The following POLH variants were observed in gnomAD, a reference collection of about 807,000 sequenced individuals.
The protein encoded by POLH is DNA polymerase eta.
Under a neutral mutation model 73.6 loss-of-function variants are expected in POLH, and 53 were observed. The observed-to-expected ratio is 0.72, with a 90% CI of 0.58 to 0.91. The LOEUF is 0.91. POLH is among the 40% of genes least tolerant of loss of function. The pLI is 0.00. For synonymous variants in POLH, 292 were observed against 308.5 expected (o/e 0.95, Z 0.56); for missense variants, 768 against 865.4 (o/e 0.89, Z 1.41).
At chr6:43,581,302 C>T (rs1561895894) in intron 1 of POLH, among the ~76,000 whole-genome samples, 1 of 147,670 alleles carries the variant, frequency 6.8e-6, no homozygotes, top group Non-Finnish European at 1.5e-5. Flanking sequence ...GATGGGCGGG[C>T]GGGCAGAGAC....
In POLH at chr6:43,614,393, C is replaced by G; in HGVS notation, c.1978C>G (p.Gln660Glu). The change falls in exon 11 of 11, where the codon CAG becomes GAG. Residue 660 changes from glutamine to glutamate, a missense_variant. Physicochemically the swap from Gln to Glu is conservative, Grantham distance 29 (BLOSUM62 2). Transcript: ENST00000372236. ...HMDYHFALEL[Q>E]KSFLQPHSSN... ...GGACTATCATTTTGCATTGGAGTTG[C>G]AGAAATCCTTTTTGCAGCCCCACTC... 2 of 1,614,186 alleles carry G rather than the reference C, an allele frequency of 1.2e-6. No homozygotes were observed. The highest frequency in any genetic ancestry group is 1.7e-6 in the Non-Finnish European group (2 of 1,180,034).
intron 3 of POLH, among the ~76,000 whole-genome samples, chr6:43,584,652 A>G (rs770040939): frequency 2.0e-5 from 3 of 152,152 alleles, no homozygotes; most frequent in African/African-American, 4.8e-5. Context: ...ATCAGATTCC[A>G]CATGTTGAGG....
intron 3 of POLH, among the ~76,000 whole-genome samples, chr6:43,584,488 A>G (rs1764597474): frequency 6.6e-6 from 1 of 152,192 alleles, no homozygotes; most frequent in Non-Finnish European, 1.5e-5. Flanking sequence ...GAAAAACTCA[A>G]ACTATGGTTT....
chr6:43,610,347 G>T (rs1004850637), intron 9 of POLH, among the ~76,000 whole-genome samples: 1 of 152,068 alleles, frequency 6.6e-6, no homozygotes, highest in East Asian at 1.9e-4. Flanking sequence ...TTACAGGCGT[G>T]AGCCACCATG....
intron 6 of POLH, among the ~76,000 whole-genome samples, chr6:43,602,519 T>C (rs908253962): frequency 6.6e-6 from 1 of 152,172 alleles, no homozygotes; most frequent in Non-Finnish European, 1.5e-5. Context: ...GAGAACTTTT[T>C]AGCACAAAGA....
At chr6:43,606,405 GT>G (rs1767298795) in intron 9 of POLH, among the ~76,000 whole-genome samples, 1 of 150,268 alleles carries the variant, frequency 6.7e-6, no homozygotes, top group Non-Finnish European at 1.5e-5. Flanking sequence ...TCTTTCTAAT[GT>G]TAAAGACATC....
At chr6:43,590,393 A>G (rs1765323722) in intron 4 of POLH, among the ~76,000 whole-genome samples, 1 of 151,448 alleles carries the variant, frequency 6.6e-6, no homozygotes, top group Admixed American at 6.6e-5. Context: ...TTTTGTGATA[A>G]TGTTAGATTA....
chr6:43,613,775 G>A lies in POLH; in HGVS notation c.1360G>A (p.Val454Met), dbSNP rs767303543. 4.5e-5 allele frequency: 73 copies of A among 1,613,824 alleles called. No homozygotes were observed. The highest frequency in any genetic ancestry group is 6.2e-5 in the Non-Finnish European group (73 of 1,179,944). The change falls in exon 11 of 11, where the codon GTG becomes ATG. Residue 454 changes from valine (V) to methionine (M), a missense_variant. By Grantham distance (21) the Val-to-Met change is conservative. Transcript: ENST00000372236. Reference protein sequence around the residue: ...LSSDPSSLPKVPVTSSEAKTQ... With the variant: ...LSSDPSSLPKMPVTSSEAKTQ... The stretch of plus-strand genomic sequence containing the variant: ...CAGTGACCCAAGTTCTCTGCCAAAG[G>A]TGCCAGTTACCAGCTCAGAAGCTAA...
chr6:43,617,828 G>T lies in POLH; in HGVS notation c.*3271G>T, dbSNP rs1768450735. Among the ~76,000 whole-genome samples the T allele has an allele frequency of 6.6e-6, 1 of 152,096 alleles. No individual in the cohort carries two copies. The highest frequency in any genetic ancestry group is 1.5e-5 in the Non-Finnish European group (1 of 68,022). On this transcript the variant is annotated 3_prime_UTR_variant, in exon 11 of 11. Transcript: ENST00000372236. ...CCCAGCTACTTGGGAGGCTGAGGCA[G>T]AAGAATTGCTTGACCTGGGAGGCGG...
intron 4 of POLH, among the ~76,000 whole-genome samples, chr6:43,592,842 G>C (rs1048400890): frequency 2.6e-5 from 4 of 152,112 alleles, no homozygotes; most frequent in Admixed American, 2.0e-4. Flanking sequence ...TGTTAGCTAA[G>C]GGCCTTTTCT....
At chr6:43,606,264 C>G (rs1767277272) in intron 9 of POLH, among the ~76,000 whole-genome samples, 1 of 151,872 alleles carries the variant, frequency 6.6e-6, no homozygotes, top group Non-Finnish European at 1.5e-5. Context: ...CCCTACGTGT[C>G]TGCTACTTTA....
Position 43,587,287 on chromosome 6 carries a change from T to G in POLH, c.288T>G (p.Ser96Arg). 1 of 1,613,776 alleles carries G rather than the reference T, an allele frequency of 6.2e-7. No individual in the cohort carries two copies. Among genetic ancestry groups the G allele is most frequent in the Non-Finnish European group, 8.5e-7 (1 of 1,179,678 alleles). ...TACTTCTTAGGTACCGGGAAGCCAGTGTTGAAGTGATGGAGATAATGTCTC... is the reference window on the plus strand; with the variant it reads ...TACTTCTTAGGTACCGGGAAGCCAGGGTTGAAGTGATGGAGATAATGTCTC... ...KANLTKYREA[S>R]VEVMEIMSRF... The change falls in exon 4 of 11, where the codon AGT (serine) becomes AGG (arginine). Residue 96 changes from serine (S) to arginine (R), a missense_variant. Physicochemically the swap from Ser to Arg is moderately radical, Grantham distance 110. Coordinates refer to ENST00000372236, the MANE Select transcript of POLH (RefSeq NM_006502.3).
Position 43,605,317 on chromosome 6 carries a change from GA to G in POLH, c.1073del (p.Asp358ValfsTer5), listed in dbSNP as rs1482624666. 1.3e-6 allele frequency: 2 copies of G among 1,561,108 alleles called. No homozygotes were observed. Among genetic ancestry groups the G allele is most frequent in the South Asian group, 2.2e-5 (2 of 89,564 alleles). On this transcript the variant is annotated frameshift_variant and splice_region_variant, in exon 9 of 11. Transcript: ENST00000372236. LOFTEE classifies it high-confidence loss of function. ...GGAGAGACTGACTAAAGACCGAAAT[GA>G]TGTAAGATTTTCTTTCTTTATTCCT... ...LEERLTKDRN[D>X]NDRVATQLVV...
At chr6:43,592,521 C>T (rs889871275) in intron 4 of POLH, among the ~76,000 whole-genome samples, 5 of 151,628 alleles carry the variant, frequency 3.3e-5, no homozygotes, top group African/African-American at 1.2e-4. Flanking sequence ...ACGCCATTCT[C>T]CTGCCTCAGC....
At chr6:43,581,829 AC>A (rs1308093040) in intron 1 of POLH, among the ~76,000 whole-genome samples, 1 of 150,842 alleles carries the variant, frequency 6.6e-6, no homozygotes, top group Non-Finnish European at 1.5e-5. Flanking sequence ...CCATGGCCGG[AC>A]GGGCTCCCTA....
At chr6:43,587,211 G>A in intron 3 of POLH, 61 bp from the exon 4 acceptor site, 1 of 1,212,252 alleles carries the variant, frequency 8.2e-7, no homozygotes, top group Non-Finnish European at 1.2e-6. Flanking sequence ...TGGGAGTGGA[G>A]CAGACAATCT....
intron 9 of POLH, among the ~76,000 whole-genome samples, chr6:43,607,163 C>T (rs1454736404): frequency 7.9e-5 from 12 of 152,184 alleles, no homozygotes; most frequent in Non-Finnish European, 1.6e-4. Context: ...AGTGCAGTCT[C>T]GGCTCACTGC....
chr6:43,593,289 A>G (rs1765671862), intron 4 of POLH, among the ~76,000 whole-genome samples: 1 of 152,236 alleles, frequency 6.6e-6, no homozygotes, highest in Admixed American at 6.5e-5. Flanking sequence ...TGACGTATAG[A>G]TTCATTGCAG....
intron 9 of POLH, among the ~76,000 whole-genome samples, chr6:43,609,598 G>A (rs1448911598): frequency 1.3e-5 from 2 of 152,124 alleles, no homozygotes; most frequent in African/African-American, 4.8e-5. Flanking sequence ...TCATGATCTT[G>A]CTCTCTCAAG....
Sources: gnomAD v4.1 joint callset for allele counts (sites outside exome capture counted in the v4.1 genomes callset) on GRCh38, gnomAD v4.1.1 for gene constraint, MANE v1.5 for transcripts, NCBI Gene and HGNC (gene_info 2026-07-23, HGNC 2026-07-21) for gene names.